BABAM2: variants seen among roughly 807,000 people sequenced by gnomAD.
BABAM2 encodes BRISC and BRCA1-A complex member 2.
Under a neutral mutation model 54.7 loss-of-function variants are expected in BABAM2, and 31 were observed. That is an observed-to-expected ratio of 0.57 (90% confidence interval 0.43 to 0.77). The LOEUF is 0.77. Ranked by LOEUF, BABAM2 falls within the 30% of genes least tolerant of loss-of-function variation. The probability of loss-of-function intolerance (pLI) is 0.00; values close to 1 mark genes in which losing one functional copy is unlikely to be tolerated. For missense variants in BABAM2, 364 were observed against 455.8 expected (o/e 0.80, Z 1.83); for synonymous variants, 167 against 162.9 (o/e 1.03, Z -0.19).
chr2:28,027,221 C>G (rs1675936759), intron 5 of BABAM2, among the ~76,000 whole-genome samples: 1 of 151,346 alleles, frequency 6.6e-6, no homozygotes, highest in African/African-American at 2.4e-5. Flanking sequence ...AGATGTTTCC[C>G]TCAGATATGC....
intron 7 of BABAM2, among the ~76,000 whole-genome samples, chr2:28,216,465 T>C (rs1679925576): frequency 6.6e-6 from 1 of 152,228 alleles, no homozygotes; most frequent in East Asian, 1.9e-4. Flanking sequence ...GTAATTGCAG[T>C]ATTTAGTTCA....
At chr2:28,034,895 A>C (rs1676554324) in intron 5 of BABAM2, among the ~76,000 whole-genome samples, 1 of 152,136 alleles carries the variant, frequency 6.6e-6, no homozygotes, top group South Asian at 2.1e-4. Context: ...TATTTGTGGC[A>C]GGGAGTGTTT....
At chr2:28,297,002 G>A (rs1486879708) in intron 10 of BABAM2, among the ~76,000 whole-genome samples, 1 of 152,106 alleles carries the variant, frequency 6.6e-6, no homozygotes, top group Admixed American at 6.6e-5. Flanking sequence ...TATCTGGTAT[G>A]TATTTTTAAA....
At chr2:28,226,292 C>T (rs767436572) in intron 7 of BABAM2, among the ~76,000 whole-genome samples, 2 of 152,248 alleles carry the variant, frequency 1.3e-5, no homozygotes, top group African/African-American at 2.4e-5. Context: ...TTTCCAAGAC[C>T]GTTAAACTCT....
chr2:28,302,416 C>CAA (rs34808748), intron 11 of BABAM2, among the ~76,000 whole-genome samples: 2 of 133,546 alleles, frequency 1.5e-5, no homozygotes, highest in Non-Finnish European at 1.6e-5. Flanking sequence ...GACTCCATCT[C>CAA]AAAAAAAAAA....
intron 5 of BABAM2, among the ~76,000 whole-genome samples, chr2:28,044,361 C>T (rs1459178387): frequency 1.3e-5 from 2 of 152,156 alleles, no homozygotes; most frequent in African/African-American, 4.8e-5. Context: ...TCCCGAGTAG[C>T]TGGGACTACA....
chr2:28,260,237 CT>C (rs1684373979), intron 10 of BABAM2, among the ~76,000 whole-genome samples: 2 of 150,206 alleles, frequency 1.3e-5, no homozygotes, highest in Admixed American at 6.6e-5. Flanking sequence ...TGTGTCTGTG[CT>C]TTCCCTTTAA....
intron 5 of BABAM2, among the ~76,000 whole-genome samples, chr2:28,039,878 G>A (rs1435284129): frequency 6.6e-6 from 1 of 152,110 alleles, no homozygotes; most frequent in Non-Finnish European, 1.5e-5. Flanking sequence ...AAGACAGTTG[G>A]CAGAAAGGCT....
intron 1 of BABAM2, among the ~76,000 whole-genome samples, chr2:27,891,872 G>A (rs1383289976): frequency 6.6e-6 from 1 of 152,030 alleles, no homozygotes; most frequent in Non-Finnish European, 1.5e-5. Context: ...ATGTATTGTT[G>A]TCACTTAGTA....
intron 4 of BABAM2, among the ~76,000 whole-genome samples, chr2:28,022,738 T>C (rs990583389): frequency 1.3e-5 from 2 of 152,184 alleles, no homozygotes; most frequent in Non-Finnish European, 2.9e-5. Flanking sequence ...GAAACACTTA[T>C]TTTTCTCTTT....
intron 3 of BABAM2, among the ~76,000 whole-genome samples, chr2:27,979,333 CTATGTA>C (rs1258969741): frequency 6.6e-6 from 1 of 151,726 alleles, no homozygotes; most frequent in African/African-American, 2.4e-5. Flanking sequence ...TGCGCCTGGC[CTATGTA>C]CATTTTCTTT....
intron 10 of BABAM2, among the ~76,000 whole-genome samples, chr2:28,268,717 G>A (rs1349751304): frequency 1.3e-5 from 2 of 152,138 alleles, no homozygotes; most frequent in East Asian, 3.8e-4. Context: ...ACAAATGCCG[G>A]CCCCCGTTGT....
intron 8 of BABAM2, among the ~76,000 whole-genome samples, chr2:28,238,939 A>G (rs12479040): frequency 0.96 from 146,856 of 152,262 alleles, 71,042 homozygotes; most frequent in Middle Eastern, 1. Flanking sequence ...TTTGAAATTG[A>G]TGTTCTTCTG....
intron 7 of BABAM2, among the ~76,000 whole-genome samples, chr2:28,214,026 T>G (rs1412174988): frequency 6.6e-6 from 1 of 152,120 alleles, no homozygotes; most frequent in Non-Finnish European, 1.5e-5. Context: ...TTATGCATCC[T>G]TCATCTGGCT....
chr2:28,092,381 GGTA>G (rs1666226935), intron 6 of BABAM2, among the ~76,000 whole-genome samples: 1 of 152,010 alleles, frequency 6.6e-6, no homozygotes, highest in Non-Finnish European at 1.5e-5. Flanking sequence ...AAGATACAAG[GGTA>G]GTAGTAAAAA....
chr2:27,922,974 A>C (rs187477222), intron 2 of BABAM2, among the ~76,000 whole-genome samples: 1 of 152,202 alleles, frequency 6.6e-6, no homozygotes, highest in African/African-American at 2.4e-5. Flanking sequence ...TCATACTTGT[A>C]TAAGGAAATG....
chr2:28,126,313 T>G (rs1186753211), intron 6 of BABAM2, among the ~76,000 whole-genome samples: 1 of 112,314 alleles, frequency 8.9e-6, no homozygotes, highest in Non-Finnish European at 1.7e-5. Context: ...CCCACAACAG[T>G]CCCCAGAGTG....
intron 11 of BABAM2, among the ~76,000 whole-genome samples, chr2:28,336,602 C>G (rs555534411): frequency 1.3e-5 from 2 of 152,270 alleles, no homozygotes; most frequent in African/African-American, 4.8e-5. Flanking sequence ...CACCACATGT[C>G]ACAGAAGTCA....
chr2:28,073,879 C>T (rs899007475), intron 6 of BABAM2, among the ~76,000 whole-genome samples: 2 of 152,032 alleles, frequency 1.3e-5, no homozygotes, highest in African/African-American at 4.8e-5. Flanking sequence ...TCCATGAACA[C>T]ACAGACATAT....
Sources: allele counts gnomAD v4.1 joint callset (sites outside exome capture counted in the v4.1 genomes callset), GRCh38; gene constraint gnomAD v4.1.1; transcripts MANE v1.5; gene names NCBI Gene and HGNC (gene_info 2026-07-23, HGNC 2026-07-21).